Variants in KIF13A observed in about 807,000 individuals in gnomAD.
The protein encoded by KIF13A is kinesin family member 13A.
A neutral mutation model predicts 212.2 loss-of-function variants in KIF13A; 79 were observed. That is an observed-to-expected ratio of 0.37 (90% CI 0.31 to 0.45). KIF13A has a LOEUF of 0.45. Ranked by LOEUF, KIF13A falls within the 20% of genes least tolerant of loss-of-function variation. The pLI, the probability that KIF13A is intolerant of heterozygous loss-of-function variation, is 1.00. For missense variants in KIF13A, 1,901 were observed against 2,209.0 expected, an observed-to-expected ratio of 0.86 and a Z score of 2.79; for synonymous variants, 789 against 808.6, an observed-to-expected ratio of 0.98 and a Z score of 0.41.
rs757581118 is a variant in KIF13A, at chr6:17,794,264, C to G, written c.3207G>C (p.Gly1069=). 5 of 1,612,984 alleles carry G rather than the reference C, an allele frequency of 3.1e-6. No individual in the cohort carries two copies. The South Asian group carries it at 5.5e-5, about 18-fold the overall frequency. ...VTARSTKLQR[G]LDSYQRDDED... ...CTTGTCTTACCTGGTAACTGTCCAG[C>G]CCTCTTTGGAGTTTGGTGGACCTGG... Residue 1069 remains glycine, a synonymous_variant, in exon 25 of 39, where the codon GGG becomes GGC. Coordinates refer to ENST00000259711, the MANE Select transcript of KIF13A (RefSeq NM_022113.6). The surrounding 1 kb of genome is among the most constrained non-coding windows in gnomAD (Gnocchi z 4.1).
At position 17,825,967 on chromosome 6, in the gene KIF13A, C is replaced by G. The variant is rs1764927718; in HGVS notation, c.1620-33G>C. The G allele has an allele frequency of 1.2e-6, 2 of 1,611,990 alleles. No individual in the cohort carries two copies. Among genetic ancestry groups the G allele is most frequent in the Non-Finnish European group, 1.7e-6 (2 of 1,178,660 alleles). On this transcript the variant is annotated intron_variant, in intron 15 of 38. Transcript: ENST00000259711. This position sits in a 1 kb window ranked among gnomAD's most constrained non-coding sequence, Gnocchi z 4.5. ...GTTTTTCACCATTAGAGAAAATCAA[C>G]TTGTTTTACACTTAAATAGATAACA...
chr6:17,973,394 T>A (rs575531398), intron 2 of KIF13A, among the ~76,000 whole-genome samples: 1 of 152,250 alleles, frequency 6.6e-6, no homozygotes, highest in Non-Finnish European at 1.5e-5. Flanking sequence ...AACGACTTCA[T>A]GCTGCTGCTT....
downstream of KIF13A, among the ~76,000 whole-genome samples, chr6:17,761,479 G>A (rs1461705800): frequency 3.9e-5 from 6 of 152,130 alleles, no homozygotes; most frequent in East Asian, 1.2e-3. Flanking sequence ...CACCTCCCGG[G>A]TTCCAGCGAT....
chr6:17,906,414 C>G (rs535433733), intron 2 of KIF13A, among the ~76,000 whole-genome samples: 3 of 142,178 alleles, frequency 2.1e-5, no homozygotes, highest in Non-Finnish European at 4.6e-5. Flanking sequence ...TTTCCCTTTC[C>G]CCTTCCCCCT....
chr6:17,874,283 G>T (rs73723304), intron 3 of KIF13A, among the ~76,000 whole-genome samples: 59,910 of 147,692 alleles, frequency 0.41, 13,816 homozygotes, highest in African/African-American at 0.63. Context: ...TTTTGTTTTT[G>T]TTTTTTGGTG....
At chr6:17,975,280 G>A (rs536261023) in intron 2 of KIF13A, among the ~76,000 whole-genome samples, 13 of 152,314 alleles carry the variant, frequency 8.5e-5, no homozygotes, top group South Asian at 2.1e-4. Flanking sequence ...TTGAATCTGG[G>A]AGGTGAAGGT....
At chr6:17,779,272 T>A (rs1226969458) in intron 32 of KIF13A, among the ~76,000 whole-genome samples, 173 bp from the exon 33 acceptor site, 7 of 32,656 alleles carry the variant, frequency 2.1e-4, no homozygotes, top group Admixed American at 1.3e-3. Flanking sequence ...TTTTTTTTTT[T>A]TTTTTTTTTT....
chr6:17,950,431 G>T lies in KIF13A; in HGVS notation c.146+36623C>A, dbSNP rs2150569353. 6.1e-6 allele frequency: 6 copies of T among 977,470 alleles called. No individual in the cohort carries two copies. In the South Asian group the frequency reaches 2.8e-4, roughly 46 times the overall value. The allele number at this position is 977,470 out of a possible 1,614,324, so 60.5% of individuals were successfully genotyped here. ...TGCTTTCAGAAAATGATTTATTAAT[G>T]GATTACCAAATAAAACTCTGTAATT... On this transcript the variant is annotated intron_variant, in intron 2 of 38. Coordinates refer to ENST00000259711, the MANE Select transcript of KIF13A (RefSeq NM_022113.6).
At chr6:17,908,910 C>T (rs1773774802) in intron 2 of KIF13A, among the ~76,000 whole-genome samples, 1 of 152,160 alleles carries the variant, frequency 6.6e-6, no homozygotes, top group Non-Finnish European at 1.5e-5. Context: ...GGGGGTCAAA[C>T]AATCCTAGCT....
At chr6:17,796,921 CT>C in intron 22 of KIF13A, 101 bp from the exon 23 acceptor site, 2 of 626,582 alleles carry the variant, frequency 3.2e-6, no homozygotes, top group Non-Finnish European at 4.7e-6. Context: ...GTATATTAGC[CT>C]GATCGTGACC....
In KIF13A at chr6:17,829,880, T is replaced by C. The variant is rs143939261; in HGVS notation, c.1401+1221A>G. 3.8e-4 allele frequency among the ~76,000 whole-genome samples: 58 copies of C among 152,246 alleles called. No individual in the cohort carries two copies. Among genetic ancestry groups the C allele is most frequent in the African/African-American group, 1.3e-3 (55 of 41,554 alleles). On this transcript the variant is annotated intron_variant, in intron 13 of 38. Transcript: ENST00000259711. The surrounding 1 kb of genome is among the most constrained non-coding windows in gnomAD (Gnocchi z 5.4). ...TATTCTCCATTGCATTTTATGTATT[T>C]ACTAGGCAGATCAGAATCCTTAACA...
intron 35 of KIF13A, 65 bp downstream of exon 35, chr6:17,774,950 C>G: frequency 7.6e-7 from 1 of 1,314,474 alleles, no homozygotes; most frequent in South Asian, 1.3e-5. Context: ...TTAAAAACAC[C>G]AAGATCCCAC....
rs866734974 is a variant in KIF13A at position 17,926,872 on chromosome 6, T to C, written c.147-28692A>G. Among the ~76,000 whole-genome samples the C allele has an allele frequency of 6.6e-6, 1 of 152,104 alleles. No homozygotes were observed. Among genetic ancestry groups the C allele is most frequent in the Non-Finnish European group, 1.5e-5 (1 of 68,012 alleles). Reference sequence around the variant, plus strand: ...GAAAGCAGGGACTGGGCGCGGTGGCTCATACCTGTAATCTCGGCACTTTGG... The same window carrying C: ...GAAAGCAGGGACTGGGCGCGGTGGCCCATACCTGTAATCTCGGCACTTTGG... On this transcript the variant is annotated intron_variant, in intron 2 of 38. Coordinates refer to ENST00000259711, the MANE Select transcript of KIF13A (RefSeq NM_022113.6). The surrounding 1 kb of genome is among the most constrained non-coding windows in gnomAD (Gnocchi z 4.3).
At chr6:17,832,046 C>T (rs1481928698) in intron 12 of KIF13A, among the ~76,000 whole-genome samples, 4 of 151,912 alleles carry the variant, frequency 2.6e-5, no homozygotes, top group South Asian at 2.1e-4. Flanking sequence ...CAATGTTAAG[C>T]GGGACAGTGA....
rs192934555 is a variant in KIF13A, at chr6:17,926,239, T to C, written c.147-28059A>G. On this transcript the variant is annotated intron_variant, in intron 2 of 38. Coordinates refer to ENST00000259711, the MANE Select transcript of KIF13A (RefSeq NM_022113.6). The surrounding 1 kb of genome is among the most constrained non-coding windows in gnomAD (Gnocchi z 4.3). Reference sequence around the variant, plus strand: ...ATTTATCTGTCTCCTGGTGCATTTCTTTATTTTTTTGAGGCAGAGTCTCAC... The same window carrying C: ...ATTTATCTGTCTCCTGGTGCATTTCCTTATTTTTTTGAGGCAGAGTCTCAC... Among the ~76,000 whole-genome samples the C allele has an allele frequency of 2.0e-4, 30 of 152,326 alleles. No homozygotes were observed. Among genetic ancestry groups the C allele is most frequent in the Admixed American group, 7.8e-4 (12 of 15,300 alleles).
chr6:17,873,001 C>T (rs1242645357), intron 4 of KIF13A, among the ~76,000 whole-genome samples: 1 of 152,094 alleles, frequency 6.6e-6, no homozygotes, highest in Non-Finnish European at 1.5e-5. Flanking sequence ...AGCAAAAGAA[C>T]CAAAAACTTC....
chr6:17,848,614 G>A lies in KIF13A; in HGVS notation c.830+763C>T, dbSNP rs567709802. 4.2e-5 allele frequency among the ~76,000 whole-genome samples: 6 copies of A among 143,054 alleles called. No homozygotes were observed. In the South Asian group the frequency reaches 1.1e-3, roughly 26 times the overall value. 93.8% of individuals were successfully genotyped at this position (143,054 alleles called of 152,430 possible). A position where few individuals can be genotyped will look rare whatever the true frequency, so the allele number is the denominator to read the frequency against. On this transcript the variant is annotated intron_variant, in intron 9 of 38. Transcript: ENST00000259711. ...AGAGTCTCGCTCTGTTGCCTAGGCT[G>A]GAGTACAGGGGAGCAATCTCGGCTC...
chr6:17,974,616 G>A (rs970462962), intron 2 of KIF13A, among the ~76,000 whole-genome samples: 1 of 151,876 alleles, frequency 6.6e-6, no homozygotes, highest in Admixed American at 6.6e-5. Context: ...CTAAGTTTTA[G>A]AGTAGTTAAG....
chr6:17,804,488 C>A lies in KIF13A; in HGVS notation c.2327G>T (p.Arg776Leu). ...VPEAKRLYGKRGDPFYEAQEN... is the reference protein window; with the variant it reads ...VPEAKRLYGKLGDPFYEAQEN... ...TTGGGCTTCATAGAAAGGGTCACCT[C>A]GTTTTCCGTAGAGTCTCTTTGCCTG... The change falls in exon 20 of 39, where the codon CGA becomes CTA. Residue 776 changes from arginine (R) to leucine (L), a missense_variant. Arg to Leu is a moderately radical substitution (Grantham distance 102). Coordinates refer to ENST00000259711, the MANE Select transcript of KIF13A (RefSeq NM_022113.6). The A allele has an allele frequency of 6.3e-7, 1 of 1,598,980 alleles. No homozygotes were observed. Among genetic ancestry groups the A allele is most frequent in the Non-Finnish European group, 8.5e-7 (1 of 1,172,266 alleles).
Sources: allele counts gnomAD v4.1 joint callset (sites outside exome capture counted in the v4.1 genomes callset), GRCh38; gene constraint gnomAD v4.1.1; non-coding constraint Gnocchi (gnomAD v3.1); transcripts MANE v1.5; gene names NCBI Gene and HGNC (gene_info 2026-07-23, HGNC 2026-07-21).